ADARB2: variants seen among roughly 807,000 people sequenced by gnomAD.
ADARB2 encodes the protein adenosine deaminase RNA specific B2 (inactive).
ADARB2 carries 25 observed loss-of-function variants against 62.2 expected under a neutral mutation model. The observed-to-expected ratio is 0.40, with a 90% CI of 0.29 to 0.56. The LOEUF (loss-of-function observed/expected upper bound fraction) is 0.56. ADARB2 is among the 20% of genes least tolerant of loss of function. The pLI is 0.43. For synonymous variants in ADARB2, 572 were observed against 500.8 expected (o/e 1.14, Z -1.90); for missense variants, 1,071 against 1,077.4 (o/e 0.99, Z 0.08).
At chr10:1,350,083 T>C (rs1832121186) in intron 3 of ADARB2, among the ~76,000 whole-genome samples, 2 of 152,196 alleles carry the variant, frequency 1.3e-5, no homozygotes, top group Admixed American at 6.5e-5. Context: ...AAGCGTCTTA[T>C]TTTCTTCTGC....
intron 7 of ADARB2, among the ~76,000 whole-genome samples, chr10:1,210,547 CGTGCTTCGCCTCCATAAA>C (rs1335228637): frequency 1.3e-5 from 2 of 152,252 alleles, no homozygotes; most frequent in African/African-American, 2.4e-5. Context: ...GCAGAAGACA[CGTGCTTCGCCTCCATAAA>C]GTCGTCTGCG....
intron 1 of ADARB2, among the ~76,000 whole-genome samples, chr10:1,657,684 T>G (rs758577035): frequency 6.6e-6 from 1 of 152,216 alleles, no homozygotes; most frequent in Admixed American, 6.5e-5. Context: ...AAATGCAGTA[T>G]GTCCTCTAAG....
chr10:1,616,075 T>C (rs1833628683), intron 1 of ADARB2, among the ~76,000 whole-genome samples: 1 of 152,250 alleles, frequency 6.6e-6, no homozygotes, highest in African/African-American at 2.4e-5. Flanking sequence ...TGGAATTCTA[T>C]ATTTAGGCTT....
At chr10:1,447,547 A>AT (rs5782580) in intron 1 of ADARB2, among the ~76,000 whole-genome samples, 7,973 of 149,400 alleles carry the variant, frequency 0.053, 676 homozygotes, top group African/African-American at 0.18. Flanking sequence ...ATCATATGTA[A>AT]TTTTTTTTTT....
At chr10:1,600,682 A>AG (rs1833400301) in intron 1 of ADARB2, among the ~76,000 whole-genome samples, 1 of 151,682 alleles carries the variant, frequency 6.6e-6, no homozygotes, top group African/African-American at 2.4e-5. Context: ...AAAAAAAAAA[A>AG]AAGATTCAGT....
intron 1 of ADARB2, among the ~76,000 whole-genome samples, chr10:1,580,459 C>A (rs1315711363): frequency 6.7e-6 from 1 of 149,294 alleles, no homozygotes; most frequent in Admixed American, 6.7e-5. Context: ...TAACTTATCT[C>A]TTCACGGGTC....
chr10:1,392,173 T>G (rs1832576355), intron 1 of ADARB2, among the ~76,000 whole-genome samples: 1 of 152,202 alleles, frequency 6.6e-6, no homozygotes, highest in Non-Finnish European at 1.5e-5. Flanking sequence ...ATTTCAAAAA[T>G]TGAAAGTGAG....
chr10:1,465,291 G>A (rs2131912626), intron 1 of ADARB2, among the ~76,000 whole-genome samples: 1 of 152,300 alleles, frequency 6.6e-6, no homozygotes, highest in Non-Finnish European at 1.5e-5. Context: ...ACATTTGATG[G>A]TGCTTTTCAG....
At chr10:1,727,453 C>G (rs1835180815) in intron 1 of ADARB2, among the ~76,000 whole-genome samples, 1 of 152,162 alleles carries the variant, frequency 6.6e-6, no homozygotes, top group Admixed American at 6.5e-5. Flanking sequence ...GAAAATGTTC[C>G]CCTCTCCCAG....
chr10:1,272,495 C>G (rs1250296858), intron 3 of ADARB2, among the ~76,000 whole-genome samples: 1 of 152,254 alleles, frequency 6.6e-6, no homozygotes, highest in African/African-American at 2.4e-5. Flanking sequence ...AATTCTTCTG[C>G]AGTCAAGGGC....
intron 7 of ADARB2, chr10:1,216,715 C>T (rs1830626515): frequency 3.4e-6 from 2 of 582,480 alleles, no homozygotes; most frequent in Non-Finnish European, 3.0e-6. Flanking sequence ...TTTGCCTCTG[C>T]AGCGGCAGCC....
chr10:1,528,532 G>A (rs1037040925), intron 1 of ADARB2, among the ~76,000 whole-genome samples: 32 of 152,306 alleles, frequency 2.1e-4, no homozygotes, highest in African/African-American at 6.5e-4. Context: ...GAGGTAAACC[G>A]TGGTATAGAA....
At chr10:1,672,681 C>T (rs1256295889) in intron 1 of ADARB2, among the ~76,000 whole-genome samples, 1 of 150,990 alleles carries the variant, frequency 6.6e-6, no homozygotes, top group Non-Finnish European at 1.5e-5. Context: ...TCCACGCACG[C>T]ACTTCCCTTT....
intron 3 of ADARB2, among the ~76,000 whole-genome samples, chr10:1,333,297 C>T (rs1831945754): frequency 6.6e-6 from 1 of 152,166 alleles, no homozygotes; most frequent in Non-Finnish European, 1.5e-5. Flanking sequence ...GCTGTGGTCT[C>T]AATGTGTGCC....
At chr10:1,707,933 G>A (rs939362396) in intron 1 of ADARB2, among the ~76,000 whole-genome samples, 2 of 152,086 alleles carry the variant, frequency 1.3e-5, no homozygotes, top group East Asian at 1.9e-4. Context: ...AGAGTTTCTG[G>A]CCTCCATTTT....
chr10:1,556,817 G>A (rs1391801077), intron 1 of ADARB2: 3 of 534,392 alleles, frequency 5.6e-6, no homozygotes, highest in Non-Finnish European at 1.2e-5. Context: ...AGCATATGCT[G>A]CAGACACTTG....
At chr10:1,421,443 G>C (rs1004734807) in intron 1 of ADARB2, among the ~76,000 whole-genome samples, 2 of 152,028 alleles carry the variant, frequency 1.3e-5, no homozygotes, top group Non-Finnish European at 2.9e-5. Flanking sequence ...TAAAAGCAGT[G>C]GGAGGTTGGG....
intron 1 of ADARB2, among the ~76,000 whole-genome samples, chr10:1,610,277 G>T (rs1274316284): frequency 6.6e-6 from 1 of 152,150 alleles, no homozygotes; most frequent in Admixed American, 6.5e-5. Flanking sequence ...CAAGGTGCTG[G>T]CTGGGAACCC....
intron 3 of ADARB2, among the ~76,000 whole-genome samples, chr10:1,352,622 C>G (rs995584073): frequency 3.3e-5 from 5 of 152,216 alleles, no homozygotes; most frequent in African/African-American, 1.2e-4. Flanking sequence ...TTTAGAGGCC[C>G]TCAAAATCAC....
Sources: allele counts gnomAD v4.1 joint callset (sites outside exome capture counted in the v4.1 genomes callset), GRCh38; gene constraint gnomAD v4.1.1; transcripts MANE v1.5; gene names NCBI Gene and HGNC (gene_info 2026-07-23, HGNC 2026-07-21).